CNTN5: variants seen among roughly 807,000 people sequenced by gnomAD.
The protein encoded by CNTN5 is contactin 5.
A neutral mutation model predicts 129.1 loss-of-function variants in CNTN5; 77 were observed. The ratio of observed to expected loss-of-function variants is 0.60; its 90% confidence interval spans 0.50 to 0.72. CNTN5 has a LOEUF of 0.72. Among genes scored for constraint, CNTN5 ranks in the 30% least tolerant of loss-of-function variants. The pLI is 0.00. For missense variants in CNTN5, 1,478 were observed against 1,328.8 expected (o/e 1.11, Z -1.75); for synonymous variants, 509 against 465.6 (o/e 1.09, Z -1.20).
chr11:99,546,562 A>T (rs895798728), intron 2 of CNTN5, among the ~76,000 whole-genome samples: 25 of 152,170 alleles, frequency 1.6e-4, no homozygotes, highest in African/African-American at 5.1e-4. Context: ...TCCTCCTCAC[A>T]TTTGTAGATC....
At chr11:99,264,853 A>C (rs958048483) in intron 1 of CNTN5, among the ~76,000 whole-genome samples, 3 of 151,970 alleles carry the variant, frequency 2.0e-5, no homozygotes, top group African/African-American at 7.2e-5. Context: ...ATTTATCTTC[A>C]TTTTTTTATG....
chr11:99,154,367 C>T (rs1860229951), intron 1 of CNTN5, among the ~76,000 whole-genome samples: 1 of 152,168 alleles, frequency 6.6e-6, no homozygotes, highest in South Asian at 2.1e-4. Flanking sequence ...CATGCATGCA[C>T]ATTGGCAGCA....
At chr11:100,277,055 A>G (rs958708799) in intron 18 of CNTN5, among the ~76,000 whole-genome samples, 5 of 152,058 alleles carry the variant, frequency 3.3e-5, no homozygotes, top group African/African-American at 7.2e-5. Flanking sequence ...GCTCTTACCA[A>G]TGAGTGAGAA....
intron 3 of CNTN5, among the ~76,000 whole-genome samples, chr11:99,619,993 T>C (rs1321839056): frequency 2.9e-5 from 3 of 102,000 alleles, no homozygotes; most frequent in Non-Finnish European, 6.1e-5. Flanking sequence ...GCCACTGCAC[T>C]CCAGCCTGGG....
intron 17 of CNTN5, among the ~76,000 whole-genome samples, chr11:100,260,940 G>A (rs1950182205): frequency 6.6e-6 from 1 of 152,074 alleles, no homozygotes; most frequent in East Asian, 1.9e-4. Context: ...CGGAAGTTTT[G>A]GCCAGGGCAA....
intron 6 of CNTN5, among the ~76,000 whole-genome samples, chr11:99,910,484 G>T (rs1949630186): frequency 6.6e-6 from 1 of 152,000 alleles, no homozygotes; most frequent in South Asian, 2.1e-4. Context: ...TCAGAAACTG[G>T]TCTTTAATAA....
chr11:99,818,508 G>A (rs1055212189), intron 3 of CNTN5, among the ~76,000 whole-genome samples: 10 of 152,130 alleles, frequency 6.6e-5, no homozygotes, highest in South Asian at 2.1e-4. Context: ...CTCCCACCTC[G>A]GCTTCCCTGA....
chr11:99,302,926 T>A (rs1193916946), intron 1 of CNTN5, among the ~76,000 whole-genome samples: 1 of 151,332 alleles, frequency 6.6e-6, no homozygotes, highest in Admixed American at 6.6e-5. Flanking sequence ...ATATTAATAT[T>A]TAATATAGCT....
At chr11:99,535,903 T>A (rs1399271458) in intron 2 of CNTN5, among the ~76,000 whole-genome samples, 1 of 152,156 alleles carries the variant, frequency 6.6e-6, no homozygotes, top group Non-Finnish European at 1.5e-5. Flanking sequence ...ATTCCTTTTT[T>A]AGGGTATAAA....
intron 2 of CNTN5, among the ~76,000 whole-genome samples, chr11:99,446,462 T>C (rs563250192): frequency 3.9e-5 from 6 of 152,324 alleles, no homozygotes; most frequent in East Asian, 3.9e-4. Context: ...GATTTTATTA[T>C]GACTTTTACC....
chr11:99,132,792 A>G (rs1439615706), intron 1 of CNTN5, among the ~76,000 whole-genome samples: 1 of 152,236 alleles, frequency 6.6e-6, no homozygotes, highest in Non-Finnish European at 1.5e-5. Context: ...ATACTCATTC[A>G]TAGGAAGAAT....
rs1866011535 is a variant in CNTN5 at position 99,086,499 on chromosome 11, A to C, written c.-210+65229A>C. Among the ~76,000 whole-genome samples the C allele has an allele frequency of 2.6e-5, 4 of 152,136 alleles. 1 individual carries two copies. Reference sequence around the variant, plus strand: ...CAGTGAGAGCAGGATCAAGAGAGTGAGGGGGACAGGTCCCAGACTTGTAAA... The same window carrying C: ...CAGTGAGAGCAGGATCAAGAGAGTGCGGGGGACAGGTCCCAGACTTGTAAA... On this transcript the variant is annotated intron_variant, in intron 1 of 24. Transcript: ENST00000524871.
At chr11:100,000,958 G>T (rs749470734) in intron 8 of CNTN5, among the ~76,000 whole-genome samples, 1 of 152,130 alleles carries the variant, frequency 6.6e-6, no homozygotes, top group South Asian at 2.1e-4. Flanking sequence ...GAGGCTGCAC[G>T]GAGAAGTGGG....
intron 9 of CNTN5, among the ~76,000 whole-genome samples, chr11:100,038,869 C>T (rs1204141995): frequency 4.6e-5 from 7 of 152,098 alleles, no homozygotes; most frequent in East Asian, 1.9e-4. Flanking sequence ...TGTGTCTGCA[C>T]GTGAGGTGGG....
chr11:99,414,486 TGTATA>T (rs1249967715), intron 2 of CNTN5, among the ~76,000 whole-genome samples: 26 of 152,044 alleles, frequency 1.7e-4, no homozygotes, highest in African/African-American at 6.3e-4. Context: ...AGAATATATA[TGTATA>T]AGAATATATA....
At chr11:99,995,399 A>G (rs952472789) in intron 8 of CNTN5, among the ~76,000 whole-genome samples, 3 of 152,214 alleles carry the variant, frequency 2.0e-5, no homozygotes, top group South Asian at 2.1e-4. Context: ...AACATTTTCC[A>G]TCTAAACTTA....
chr11:99,691,131 A>T (rs1954022971), intron 3 of CNTN5, among the ~76,000 whole-genome samples: 1 of 150,842 alleles, frequency 6.6e-6, no homozygotes, highest in Admixed American at 6.6e-5. Flanking sequence ...GATTGTGTTT[A>T]TATGAATCTT....
intron 1 of CNTN5, among the ~76,000 whole-genome samples, chr11:99,245,635 T>G (rs1298011791): frequency 6.6e-6 from 1 of 152,078 alleles, no homozygotes; most frequent in Admixed American, 6.6e-5. Context: ...GCATAAACAT[T>G]TATATATGCT....
chr11:99,548,747 A>G (rs903124441), intron 2 of CNTN5, among the ~76,000 whole-genome samples: 2 of 152,082 alleles, frequency 1.3e-5, no homozygotes, highest in Non-Finnish European at 1.5e-5. Flanking sequence ...TGGTTTTCCT[A>G]CTTTTATAGT....
Sources: gnomAD v4.1 joint callset for allele counts (sites outside exome capture counted in the v4.1 genomes callset) on GRCh38, gnomAD v4.1.1 for gene constraint, MANE v1.5 for transcripts, NCBI Gene and HGNC (gene_info 2026-07-23, HGNC 2026-07-21) for gene names.